Variants in TUSC3 observed in about 807,000 individuals in gnomAD.
TUSC3 encodes the protein dolichyl-diphosphooligosaccharide--protein glycosyltransferase subunit TUSC3.
In TUSC3, 45 loss-of-function variants were observed where a neutral mutation model predicts 44.8. That is an observed-to-expected ratio of 1.00 (90% CI 0.79 to 1.29). TUSC3 has a LOEUF of 1.29. TUSC3 is among the 50% of genes most tolerant of loss of function. The pLI is 0.00. For missense variants in TUSC3, 519 were observed against 437.9 expected (o/e 1.19, Z -1.65); for synonymous variants, 212 against 152.9 (o/e 1.39, Z -2.85).
the TUSC3 span, among the ~76,000 whole-genome samples, chr8:15,844,225 A>T: frequency 1.3e-5 from 2 of 152,112 alleles, no homozygotes; most frequent in Admixed American, 6.6e-5. Context: ...TTGTTTGGTT[A>T]TGTCTTCAGT....
At chr8:15,794,002 A>G in the TUSC3 span, among the ~76,000 whole-genome samples, 1 of 149,964 alleles carries the variant, frequency 6.7e-6, no homozygotes, top group African/African-American at 2.5e-5. Flanking sequence ...TAAAGAAGAA[A>G]GAGTCAGATG....
intron 2 of TUSC3, among the ~76,000 whole-genome samples, chr8:15,646,400 A>G (rs1353484855): frequency 6.6e-6 from 1 of 152,126 alleles, no homozygotes; most frequent in Non-Finnish European, 1.5e-5. Flanking sequence ...ACATTTTTGG[A>G]CTTTAGAATA....
At chr8:15,496,490 C>A in intron 2 of TUSC3, among the ~76,000 whole-genome samples, 1 of 152,224 alleles carries the variant, frequency 6.6e-6, no homozygotes, top group Non-Finnish European at 1.5e-5. Flanking sequence ...CAAACACCCT[C>A]TGAGTTCAAC....
In TUSC3 at chr8:15,528,279, C is replaced by T. The variant is rs114214224; in HGVS notation, n.189+44796C>T. On this transcript the variant is annotated intron_variant and non_coding_transcript_variant, in intron 2 of 5. Coordinates refer to the TUSC3 transcript ENST00000503191. Reference sequence around the variant, plus strand: ...ACATTTGTTCAGTGAAACAAAATTACTGGCATGCAAGTGATTACCTCATTT... The same window carrying T: ...ACATTTGTTCAGTGAAACAAAATTATTGGCATGCAAGTGATTACCTCATTT... Among the ~76,000 whole-genome samples, 318 of 152,236 alleles carry T rather than the reference C, an allele frequency of 2.1e-3. 2 individuals carry two copies. The highest frequency in any genetic ancestry group is 7.2e-3 in the African/African-American group (298 of 41,542).
chr8:15,512,269 A>G (rs1216077778), intron 2 of TUSC3, among the ~76,000 whole-genome samples: 5 of 152,160 alleles, frequency 3.3e-5, no homozygotes, highest in Non-Finnish European at 2.9e-5. Flanking sequence ...AAAGCAGGTT[A>G]CTCACCATAA....
intron 1 of TUSC3, among the ~76,000 whole-genome samples, chr8:15,575,359 A>G (rs546670506): frequency 1.3e-5 from 2 of 152,176 alleles, no homozygotes; most frequent in Non-Finnish European, 2.9e-5. Flanking sequence ...ATATTTTTCA[A>G]GTCAAATGGA....
At chr8:15,768,156 T>C (rs1812379178), downstream of TUSC3, among the ~76,000 whole-genome samples, 1 of 90,326 alleles carries the variant, frequency 1.1e-5, no homozygotes, top group African/African-American at 5.9e-5. Flanking sequence ...TTTCTTTTTA[T>C]CTTTTTTTTT....
chr8:15,684,245 C>T (rs1808534513), intron 6 of TUSC3, among the ~76,000 whole-genome samples: 1 of 152,070 alleles, frequency 6.6e-6, no homozygotes, highest in Non-Finnish European at 1.5e-5. Context: ...GTGCTTCTGC[C>T]TCCCATAGAG....
intron 10 of TUSC3, among the ~76,000 whole-genome samples, chr8:15,761,439 C>T (rs977519761): frequency 1.3e-5 from 2 of 152,162 alleles, no homozygotes; most frequent in African/African-American, 2.4e-5. Context: ...TCTGGGGGCA[C>T]ATTTGTGCTA....
intron 2 of TUSC3, among the ~76,000 whole-genome samples, chr8:15,486,438 T>C (rs1800733860): frequency 6.6e-6 from 1 of 152,152 alleles, no homozygotes; most frequent in Admixed American, 6.5e-5. Flanking sequence ...ATAATCTCTT[T>C]ACTCTCCTAC....
intron 6 of TUSC3, among the ~76,000 whole-genome samples, chr8:15,693,471 A>T (rs865878709): frequency 7.2e-6 from 1 of 138,310 alleles, no homozygotes; most frequent in African/African-American, 2.7e-5. Flanking sequence ...TTTTTAAAGA[A>T]TGCTGAATAT....
intron 1 of TUSC3, among the ~76,000 whole-genome samples, chr8:15,593,435 T>G (rs1486912974): frequency 6.6e-6 from 1 of 152,210 alleles, no homozygotes; most frequent in African/African-American, 2.4e-5. Context: ...TAAAATAATA[T>G]GGCCTGTGTT....
intron 1 of TUSC3, among the ~76,000 whole-genome samples, chr8:15,459,677 T>C (rs568932989): frequency 4.3e-4 from 65 of 152,240 alleles, no homozygotes; most frequent in Non-Finnish European, 8.2e-4. Context: ...GTCTTTGGTG[T>C]CCTCATAGTT....
the TUSC3 span, among the ~76,000 whole-genome samples, chr8:15,851,139 T>C: frequency 6.6e-6 from 1 of 152,236 alleles, no homozygotes; most frequent in Admixed American, 6.5e-5. Flanking sequence ...AAAATATGTT[T>C]CATCCTCTGG....
intron 6 of TUSC3, among the ~76,000 whole-genome samples, chr8:15,722,234 G>A (rs1055979449): frequency 6.6e-6 from 1 of 151,242 alleles, no homozygotes; most frequent in Admixed American, 6.6e-5. Context: ...TAGTATTGAT[G>A]GGTTTTGTTT....
intron 1 of TUSC3, among the ~76,000 whole-genome samples, chr8:15,604,265 A>C (rs2129155932): frequency 6.6e-6 from 1 of 151,778 alleles, no homozygotes; most frequent in East Asian, 1.9e-4. Context: ...TGAGAAAAAC[A>C]GTGTTTTTAG....
At chr8:15,498,107 C>A (rs770284869) in intron 2 of TUSC3, among the ~76,000 whole-genome samples, 7 of 152,042 alleles carry the variant, frequency 4.6e-5, no homozygotes, top group Non-Finnish European at 8.8e-5. Flanking sequence ...TGATGATGAC[C>A]TATCAAAAAG....
At chr8:15,625,545 C>G (rs1241989616) in intron 2 of TUSC3, among the ~76,000 whole-genome samples, 2 of 152,144 alleles carry the variant, frequency 1.3e-5, no homozygotes, top group African/African-American at 4.8e-5. Flanking sequence ...TTGTTTATAT[C>G]TTCTTGGCTG....
the TUSC3 span, among the ~76,000 whole-genome samples, chr8:15,848,872 A>G: frequency 2.6e-5 from 4 of 152,218 alleles, no homozygotes; most frequent in Non-Finnish European, 5.9e-5. Flanking sequence ...TTCCTCTTTT[A>G]AATTGTAGAA....
Sources: allele counts gnomAD v4.1 joint callset (sites outside exome capture counted in the v4.1 genomes callset), GRCh38; gene constraint gnomAD v4.1.1; transcripts MANE v1.5; gene names NCBI Gene and HGNC (gene_info 2026-07-23, HGNC 2026-07-21).